The following PTPRK variants were observed in gnomAD, a reference collection of about 807,000 sequenced individuals.
PTPRK encodes receptor-type tyrosine-protein phosphatase kappa.
In PTPRK, 75 loss-of-function variants were observed where a neutral mutation model predicts 178.0. The observed-to-expected ratio is 0.42, with a 90% CI of 0.35 to 0.51. PTPRK has a LOEUF of 0.51. Among genes scored for constraint, PTPRK ranks in the 20% least tolerant of loss-of-function variants. The pLI is 0.02. For missense variants in PTPRK, 1,441 were observed against 1,797.8 expected (o/e 0.80, Z 3.59); for synonymous variants, 637 against 620.6 (o/e 1.03, Z -0.39).
intron 13 of PTPRK, among the ~76,000 whole-genome samples, chr6:128,052,218 T>A (rs572552339): frequency 4.6e-5 from 7 of 152,346 alleles, no homozygotes; most frequent in Admixed American, 2.6e-4. Flanking sequence ...AGTAAGTGAC[T>A]GCCCTGATGC....
At chr6:127,971,989 A>G (rs1383312535) in intron 29 of PTPRK, among the ~76,000 whole-genome samples, 2 of 152,024 alleles carry the variant, frequency 1.3e-5, no homozygotes, top group South Asian at 2.1e-4. Flanking sequence ...ATCAAAACCA[A>G]TGTAATCTTG....
chr6:128,384,044 T>A (rs1237189236), intron 2 of PTPRK, among the ~76,000 whole-genome samples: 1 of 152,244 alleles, frequency 6.6e-6, no homozygotes, highest in Admixed American at 6.5e-5. Flanking sequence ...CAGAGAAGGA[T>A]AATTTTTTTG....
chr6:128,241,792 T>G (rs1281321436), intron 4 of PTPRK, among the ~76,000 whole-genome samples: 1 of 150,270 alleles, frequency 6.7e-6, no homozygotes, highest in Non-Finnish European at 1.5e-5. Context: ...TTTTTTTTTT[T>G]TTTTTTGAGA....
At chr6:128,095,006 G>A (rs1787679476) in intron 7 of PTPRK, among the ~76,000 whole-genome samples, 1 of 151,964 alleles carries the variant, frequency 6.6e-6, no homozygotes, top group African/African-American at 2.4e-5. Flanking sequence ...TTGAAGGGAA[G>A]GTGGTGTTAA....
In PTPRK at chr6:128,425,299, G is replaced by T. The variant is rs145936759; in HGVS notation, c.101-27611C>A. ...TCACCATGTTAGCCAGGATGGTCTC[G>T]ATCTCCTGACCTGGTGATCCGCCTG... is the stretch of plus-strand genomic sequence containing the variant. On this transcript the variant is annotated intron_variant, in intron 1 of 29. Transcript: ENST00000368226. Among the ~76,000 whole-genome samples the T allele has an allele frequency of 2.3e-3, 342 of 151,884 alleles. 3 individuals carry two copies. The highest frequency in any genetic ancestry group is 7.8e-3 in the African/African-American group (321 of 41,406).
rs541849280 is a variant in PTPRK at position 128,339,000 on chromosome 6, C to T, written c.224-16690G>A. Among the ~76,000 whole-genome samples, 5 of 151,978 alleles carry T rather than the reference C, an allele frequency of 3.3e-5. No homozygotes were observed. In the South Asian group the frequency reaches 1.0e-3, roughly 32 times the overall value. On this transcript the variant is annotated intron_variant, in intron 2 of 29. Coordinates refer to ENST00000368226, the MANE Select transcript of PTPRK (RefSeq NM_002844.4). ...ATTTACACATATAAATCCCATAATG[C>T]TATTATGTTTTTTGCTTTTGAAAAG... is the stretch of plus-strand genomic sequence containing the variant.
At chr6:128,512,687 T>C (rs1385352148) in intron 1 of PTPRK, among the ~76,000 whole-genome samples, 1 of 152,224 alleles carries the variant, frequency 6.6e-6, no homozygotes, top group Non-Finnish European at 1.5e-5. Context: ...TTGACATGAA[T>C]AGTGTACACT....
At chr6:128,057,305 CT>C (rs1452990012) in intron 13 of PTPRK, among the ~76,000 whole-genome samples, 2 of 152,164 alleles carry the variant, frequency 1.3e-5, no homozygotes, top group African/African-American at 4.8e-5. Context: ...GACTGAAATT[CT>C]TGGAAAGGGC....
intron 2 of PTPRK, among the ~76,000 whole-genome samples, chr6:128,366,280 C>T (rs181034176): frequency 6.6e-6 from 1 of 152,252 alleles, no homozygotes. Context: ...CGGAAAAACA[C>T]TGTAGTTATT....
At chr6:128,308,486 G>T (rs1046247115) in intron 3 of PTPRK, among the ~76,000 whole-genome samples, 21 of 150,902 alleles carry the variant, frequency 1.4e-4, no homozygotes, top group Non-Finnish European at 2.4e-4. Flanking sequence ...TTTTTAAAAA[G>T]GTGAAAAAAG....
At chr6:128,388,368 T>C (rs529630530) in intron 2 of PTPRK, among the ~76,000 whole-genome samples, 1 of 152,196 alleles carries the variant, frequency 6.6e-6, no homozygotes, top group Non-Finnish European at 1.5e-5. Context: ...GGCAAAGACA[T>C]AAGAAAAAAT....
chr6:128,389,081 T>C lies in PTPRK; in HGVS notation c.223+8485A>G, dbSNP rs80213185. ...TAATCAGCATGGCTAGGTGGAGACT[T>C]CATGATGCTGTGAGCATTTCTAAGT... is the stretch of plus-strand genomic sequence containing the variant. On this transcript the variant is annotated intron_variant, in intron 2 of 29. Coordinates refer to ENST00000368226, the MANE Select transcript of PTPRK (RefSeq NM_002844.4). 5.1e-4 allele frequency among the ~76,000 whole-genome samples: 77 copies of C among 152,256 alleles called. 1 individual carries two copies. In the East Asian group the frequency reaches 0.015, roughly 29 times the overall value.
chr6:128,417,571 T>C (rs1175392961), intron 1 of PTPRK, among the ~76,000 whole-genome samples: 2 of 152,228 alleles, frequency 1.3e-5, no homozygotes, highest in African/African-American at 4.8e-5. Context: ...TGTTTGCATA[T>C]CATTAAAGGT....
chr6:128,481,407 T>C (rs1852063844), intron 1 of PTPRK, among the ~76,000 whole-genome samples: 1 of 152,306 alleles, frequency 6.6e-6, no homozygotes, highest in East Asian at 1.9e-4. Flanking sequence ...GTTTACAACT[T>C]GCAAAACTCC....
At chr6:127,989,842 A>C (rs934796880) in intron 21 of PTPRK, among the ~76,000 whole-genome samples, 1 of 151,454 alleles carries the variant, frequency 6.6e-6, no homozygotes, top group Non-Finnish European at 1.5e-5. Context: ...TACTGGTATT[A>C]ACATTATAAA....
intron 2 of PTPRK, among the ~76,000 whole-genome samples, chr6:128,376,016 T>C (rs373896975): frequency 2.6e-5 from 4 of 152,268 alleles, no homozygotes; most frequent in South Asian, 4.1e-4. Context: ...TCCTGTCTGC[T>C]TTCATGGGTT....
chr6:128,343,480 A>G (rs1330407797), intron 2 of PTPRK, among the ~76,000 whole-genome samples: 2 of 150,990 alleles, frequency 1.3e-5, no homozygotes, highest in Non-Finnish European at 3.0e-5. Context: ...AGCCTGGGCA[A>G]CAAGAGTGAA....
At chr6:128,470,728 A>C (rs1413939700) in intron 1 of PTPRK, among the ~76,000 whole-genome samples, 2 of 150,302 alleles carry the variant, frequency 1.3e-5, no homozygotes, top group Non-Finnish European at 3.0e-5. Context: ...CATTATCTAG[A>C]AGAAGAAACA....
At chr6:128,345,210 G>A (rs2128334118) in intron 2 of PTPRK, among the ~76,000 whole-genome samples, 1 of 152,134 alleles carries the variant, frequency 6.6e-6, no homozygotes, top group South Asian at 2.1e-4. Context: ...ATCTGAGGGA[G>A]TCTTCAGTGA....
Sources: gnomAD v4.1 joint callset for allele counts (sites outside exome capture counted in the v4.1 genomes callset) on GRCh38, gnomAD v4.1.1 for gene constraint, MANE v1.5 for transcripts, NCBI Gene and HGNC (gene_info 2026-07-23, HGNC 2026-07-21) for gene names.